The following DNER variants were observed in gnomAD, a reference collection of about 807,000 sequenced individuals.
The protein encoded by DNER is delta and Notch-like epidermal growth factor-related receptor.
A neutral mutation model predicts 78.2 loss-of-function variants in DNER; 33 were observed. The ratio of observed to expected loss-of-function variants is 0.42; its 90% confidence interval spans 0.32 to 0.56. DNER has a LOEUF of 0.56. Ranked by LOEUF, DNER falls within the 20% of genes least tolerant of loss-of-function variation. The pLI is 0.11. For missense variants in DNER, 918 were observed against 975.3 expected (o/e 0.94, Z 0.78); for synonymous variants, 417 against 384.8 (o/e 1.08, Z -0.98).
chr2:229,609,250 T>TTCATCA lies in DNER; in HGVS notation c.277-17368_277-17363dup, dbSNP rs1430658042. On this transcript the variant is annotated intron_variant, in intron 1 of 12. Coordinates refer to ENST00000341772, the MANE Select transcript of DNER (RefSeq NM_139072.4). ...AAAATAAATAAATAAAAATGTGATC[T>TTCATCA]TCATCATTCAAGCACCTTCTCTGTT... 2.0e-5 allele frequency among the ~76,000 whole-genome samples: 3 copies of TTCATCA among 152,236 alleles called. No individual in the cohort carries two copies. In the East Asian group the frequency reaches 5.8e-4, roughly 29 times the overall value.
rs141483977 is a variant in DNER, at chr2:229,587,403, G to A, written c.680+991C>T. On this transcript the variant is annotated intron_variant, in intron 3 of 12. Coordinates refer to ENST00000341772, the MANE Select transcript of DNER (RefSeq NM_139072.4). ...GCCCTTCCAGGCTCTTCCCCTGCCA[G>A]AGTGAGTTCAAGGCTGTGGTGACCC... Among the ~76,000 whole-genome samples the A allele has an allele frequency of 5.2e-3, 795 of 152,284 alleles. 6 individuals carry two copies. The highest frequency in any genetic ancestry group is 0.018 in the African/African-American group (762 of 41,540).
chr2:229,528,582 C>G lies in DNER; in HGVS notation c.994-15646G>C, dbSNP rs543299849. ...TCAGACATTGAACTCTGATCTCTAC[C>G]CGCAAGTCTGCTGGCTTCCACAGGG... is the stretch of plus-strand genomic sequence containing the variant. On this transcript the variant is annotated intron_variant, in intron 5 of 12. Coordinates refer to ENST00000341772, the MANE Select transcript of DNER (RefSeq NM_139072.4). Among the ~76,000 whole-genome samples the G allele has an allele frequency of 3.9e-5, 6 of 152,300 alleles. No individual in the cohort carries two copies. In the South Asian group the frequency reaches 1.2e-3, roughly 32 times the overall value.
At chr2:229,623,158 G>A (rs62191161) in intron 1 of DNER, among the ~76,000 whole-genome samples, 6,965 of 152,040 alleles carry the variant, frequency 0.046, 303 homozygotes, top group South Asian at 0.067. Flanking sequence ...TCCCTATTGC[G>A]CAATAGTCCC....
intron 4 of DNER, among the ~76,000 whole-genome samples, chr2:229,579,009 C>T: frequency 6.6e-6 from 1 of 152,168 alleles, no homozygotes; most frequent in East Asian, 1.9e-4. Flanking sequence ...AGGCAGGTGA[C>T]ATATTCAAAG....
At chr2:229,385,416 C>A (rs147969578) in intron 11 of DNER, among the ~76,000 whole-genome samples, 6 of 152,170 alleles carry the variant, frequency 3.9e-5, no homozygotes, top group African/African-American at 1.4e-4. Context: ...TGGCACAAGA[C>A]AAGGATGCCT....
rs191516160 is a variant in DNER at position 229,411,702 on chromosome 2, C to T, written c.1610-4357G>A. Among the ~76,000 whole-genome samples the T allele has an allele frequency of 3.0e-3, 464 of 152,320 alleles. 3 individuals carry two copies. The highest frequency in any genetic ancestry group is 0.01 in the African/African-American group (434 of 41,576). Reference sequence around the variant, plus strand: ...TCCAGAAATATTTGTAATAGCCCCACATCACATGTAACAACAAAGCAATGG... The same window carrying T: ...TCCAGAAATATTTGTAATAGCCCCATATCACATGTAACAACAAAGCAATGG... On this transcript the variant is annotated intron_variant, in intron 9 of 12. Coordinates refer to ENST00000341772, the MANE Select transcript of DNER (RefSeq NM_139072.4).
chr2:229,491,512 G>A (rs1458007110), intron 6 of DNER, among the ~76,000 whole-genome samples: 2 of 152,180 alleles, frequency 1.3e-5, no homozygotes, highest in African/African-American at 4.8e-5. Context: ...ACAGATCATA[G>A]CACTTGTGCA....
chr2:229,525,661 G>A (rs992525991), intron 5 of DNER, among the ~76,000 whole-genome samples: 9 of 152,098 alleles, frequency 5.9e-5, no homozygotes, highest in Admixed American at 3.9e-4. Flanking sequence ...TGCCTGGGCG[G>A]GAGTGCAATG....
At chr2:229,424,104 TTCCATGGTGC>T (rs1693822395) in intron 8 of DNER, among the ~76,000 whole-genome samples, 1 of 152,186 alleles carries the variant, frequency 6.6e-6, no homozygotes, top group South Asian at 2.1e-4. Context: ...TTTAAAATGT[TTCCATGGTGC>T]TCCAGGACCT....
intron 1 of DNER, among the ~76,000 whole-genome samples, chr2:229,707,180 A>ATTTTTTTTTTTT (rs397868353): frequency 1.1e-5 from 1 of 94,612 alleles, no homozygotes; most frequent in African/African-American, 4.4e-5. Flanking sequence ...CGGCTGGCTA[A>ATTTTTTTTTTTT]TTTTTTTTTT....
chr2:229,625,531 AGC>A (rs1698323281), intron 1 of DNER, among the ~76,000 whole-genome samples: 1 of 152,184 alleles, frequency 6.6e-6, no homozygotes, highest in Non-Finnish European at 1.5e-5. Flanking sequence ...GACGGAGGGG[AGC>A]GGGCTCAAGG....
At chr2:229,482,818 G>C (rs935158648) in intron 6 of DNER, among the ~76,000 whole-genome samples, 2 of 152,170 alleles carry the variant, frequency 1.3e-5, no homozygotes, top group South Asian at 2.1e-4. Context: ...AAGACAGGAG[G>C]GTTTAGAAAT....
intron 4 of DNER, among the ~76,000 whole-genome samples, chr2:229,550,213 G>A (rs1383976124): frequency 6.6e-6 from 1 of 151,600 alleles, no homozygotes; most frequent in Non-Finnish European, 1.5e-5. Flanking sequence ...GGCTGTTCTC[G>A]AACTCCTGGC....
chr2:229,601,464 G>A (rs906899505), intron 1 of DNER, among the ~76,000 whole-genome samples: 2 of 152,188 alleles, frequency 1.3e-5, no homozygotes. Flanking sequence ...ATATGTCTTA[G>A]TGAAATACAC....
chr2:229,513,034 A>G, intron 5 of DNER, 98 bp from the exon 6 acceptor site: 1 of 1,301,958 alleles, frequency 7.7e-7, no homozygotes, highest in Non-Finnish European at 1.0e-6. Context: ...CTTCCTTTTT[A>G]TAATCAGCAA....
intron 5 of DNER, among the ~76,000 whole-genome samples, chr2:229,516,613 C>T (rs1037506287): frequency 3.3e-5 from 5 of 151,864 alleles, no homozygotes; most frequent in African/African-American, 1.2e-4. Context: ...GTCAAATATG[C>T]CATTTGTACA....
intron 7 of DNER, among the ~76,000 whole-genome samples, chr2:229,465,738 G>T (rs1370563081): frequency 6.6e-6 from 1 of 152,142 alleles, no homozygotes; most frequent in African/African-American, 2.4e-5. Context: ...TGGAGAGGTA[G>T]CCAGGGATAT....
At chr2:229,704,808 A>G (rs1053704823) in intron 1 of DNER, among the ~76,000 whole-genome samples, 2 of 152,288 alleles carry the variant, frequency 1.3e-5, no homozygotes, top group Non-Finnish European at 2.9e-5. Flanking sequence ...CTTAATTTTA[A>G]AAATAGTTAT....
chr2:229,399,871 A>G (rs1012876255), intron 10 of DNER, among the ~76,000 whole-genome samples: 2 of 152,042 alleles, frequency 1.3e-5, no homozygotes, highest in African/African-American at 2.4e-5. Context: ...TCAGGAAAGA[A>G]TGCAAACTGT....
Sources: gnomAD v4.1 joint callset for allele counts (sites outside exome capture counted in the v4.1 genomes callset) on GRCh38, gnomAD v4.1.1 for gene constraint, MANE v1.5 for transcripts, NCBI Gene and HGNC (gene_info 2026-07-23, HGNC 2026-07-21) for gene names.